ARRB1: variants seen among roughly 807,000 people sequenced by gnomAD.
ARRB1 encodes the protein arrestin beta 1.
ARRB1 carries 21 observed loss-of-function variants against 56.8 expected under a neutral mutation model. That is an observed-to-expected ratio of 0.37 (90% CI 0.26 to 0.53). The LOEUF (loss-of-function observed/expected upper bound fraction) is 0.53, where lower values mean the gene tolerates loss of function less well. Ranked by LOEUF, ARRB1 falls within the 20% of genes least tolerant of loss-of-function variation. The pLI, the probability that ARRB1 is intolerant of heterozygous loss-of-function variation, is 0.88. For synonymous variants in ARRB1, 210 were observed against 218.6 expected (o/e 0.96, Z 0.35); for missense variants, 424 against 553.7 (o/e 0.77, Z 2.35).
At chr11:75,321,289 A>G (rs1392734790) in intron 1 of ARRB1, among the ~76,000 whole-genome samples, 4 of 9,750 alleles carry the variant, frequency 4.1e-4, no homozygotes, top group African/African-American at 1.2e-3. Context: ...CCATCCCCCC[A>G]CCTCTTCCTC....
chr11:75,332,820 G>A (rs549582791), intron 1 of ARRB1, among the ~76,000 whole-genome samples: 10 of 152,032 alleles, frequency 6.6e-5, no homozygotes, highest in Admixed American at 2.0e-4. Flanking sequence ...ACTTGAACCC[G>A]GGAGGCGGAG....
chr11:75,348,594 G>A (rs965092053), intron 1 of ARRB1, among the ~76,000 whole-genome samples: 6 of 151,876 alleles, frequency 4.0e-5, no homozygotes, highest in Admixed American at 6.6e-5. Context: ...TCCTGTCCAG[G>A]TATTTTTTTT....
Position 75,274,198 on chromosome 11 carries a change from G to A in ARRB1, c.790C>T (p.Pro264Ser). ...AMEEADDTVA[P>S]SSTFCKVYTL... ...TAGACCTTGCAGAACGTCGAGCTGG[G>A]TGCCACAGTGTCACTGGGAAGAAAG... The change falls in exon 11 of 16, where the codon CCC becomes TCC. Residue 264 changes from proline to serine, a missense_variant. Transcript: ENST00000420843. 1 of 1,614,118 alleles carries A rather than the reference G, an allele frequency of 6.2e-7. No homozygotes were observed. The highest frequency in any genetic ancestry group is 8.5e-7 in the Non-Finnish European group (1 of 1,179,998).
At chr11:75,281,684 G>A in intron 6 of ARRB1, 1 of 467,956 alleles carries the variant, frequency 2.1e-6, no homozygotes. Flanking sequence ...ATGAGGCCAG[G>A]TGTAGGTCCT....
chr11:75,281,483 C>A (rs1414197388), intron 6 of ARRB1: 3 of 383,284 alleles, frequency 7.8e-6, no homozygotes, highest in Non-Finnish European at 1.4e-5. Context: ...TGTGTGCACA[C>A]CCGGCCCTGG....
intron 1 of ARRB1, among the ~76,000 whole-genome samples, chr11:75,305,024 T>TTC (rs1565129510): frequency 1.5e-5 from 2 of 136,532 alleles, no homozygotes; most frequent in East Asian, 2.0e-4. Flanking sequence ...CTTTCTTTTT[T>TTC]TTTTTTTTTT....
At chr11:75,293,693 C>A (rs1946660410) in intron 1 of ARRB1, among the ~76,000 whole-genome samples, 1 of 152,170 alleles carries the variant, frequency 6.6e-6, no homozygotes, top group South Asian at 2.1e-4. Flanking sequence ...AGGAACAGAA[C>A]CAGCCCCCAC....
chr11:75,319,767 G>A (rs1947317902), intron 1 of ARRB1, among the ~76,000 whole-genome samples: 1 of 152,148 alleles, frequency 6.6e-6, no homozygotes, highest in Admixed American at 6.5e-5. Flanking sequence ...GAGCAGACAG[G>A]GAAAGGGACC....
chr11:75,334,478 G>T (rs1039987595), intron 1 of ARRB1, among the ~76,000 whole-genome samples: 4 of 152,134 alleles, frequency 2.6e-5, no homozygotes, highest in Admixed American at 1.3e-4. Context: ...AGGTTAATTT[G>T]ACAGACAGCA....
intron 1 of ARRB1, among the ~76,000 whole-genome samples, chr11:75,338,586 T>C (rs998167232): frequency 6.6e-6 from 1 of 152,172 alleles, no homozygotes; most frequent in African/African-American, 2.4e-5. Context: ...GGCCAGGTCA[T>C]GGTTCTTTGA....
intron 1 of ARRB1, among the ~76,000 whole-genome samples, chr11:75,335,849 G>A (rs1947594266): frequency 6.6e-6 from 1 of 152,152 alleles, no homozygotes; most frequent in African/African-American, 2.4e-5. Flanking sequence ...ATCCCGTTTG[G>A]CCCACACGAC....
chr11:75,263,435 C>A lies in ARRB1; in HGVS notation c.*2728G>T, dbSNP rs145518846. On this transcript the variant is annotated 3_prime_UTR_variant, in exon 16 of 16. Coordinates refer to ENST00000420843, the MANE Select transcript of ARRB1 (RefSeq NM_004041.5). ...AGGGGCAAGGGGTGCTAAAATCCAA[C>A]CTGTGTGTCACTCCCAAAGCTGTGC... Among the ~76,000 whole-genome samples, 71 of 152,374 alleles carry A rather than the reference C, an allele frequency of 4.7e-4. No individual in the cohort carries two copies. The highest frequency in any genetic ancestry group is 1.6e-3 in the African/African-American group (68 of 41,582).
chr11:75,307,036 A>G lies in ARRB1; in HGVS notation c.21-16997T>C, dbSNP rs183297699. Among the ~76,000 whole-genome samples, 832 of 152,248 alleles carry G rather than the reference A, an allele frequency of 5.5e-3. 9 individuals carry two copies. Among genetic ancestry groups the G allele is most frequent in the Non-Finnish European group, 9.4e-3 (639 of 68,004 alleles). On this transcript the variant is annotated intron_variant, in intron 1 of 15. Coordinates refer to ENST00000420843, the MANE Select transcript of ARRB1 (RefSeq NM_004041.5). ...TGTCACAGCCAGGCACCTCCTGTCC[A>G]TCAGAGGATCCCATACAGACACCTT...
chr11:75,297,320 A>G (rs1388870337), intron 1 of ARRB1, among the ~76,000 whole-genome samples: 1 of 152,184 alleles, frequency 6.6e-6, no homozygotes, highest in East Asian at 1.9e-4. Flanking sequence ...CCCATTTTCA[A>G]AACTTACCAC....
Position 75,266,894 on chromosome 11 carries a change from C to A in ARRB1, c.1146-620G>T, listed in dbSNP as rs141145652. ...TGAATCTAAATAGGGGGGCAGAGGA[C>A]CTGTTCGTGAGGAAAGGGGAGGCTT... On this transcript the variant is annotated intron_variant, in intron 15 of 15. Transcript: ENST00000420843. Among the ~76,000 whole-genome samples the A allele has an allele frequency of 1.8e-4, 27 of 152,138 alleles. 1 individual carries two copies. The highest frequency in any genetic ancestry group is 3.8e-4 in the Non-Finnish European group (26 of 68,024).
intron 1 of ARRB1, among the ~76,000 whole-genome samples, chr11:75,297,594 G>A (rs1946784529): frequency 6.6e-6 from 1 of 152,076 alleles, no homozygotes. Context: ...GCCGGGCGCT[G>A]TGTCTCACAT....
chr11:75,288,413 C>T (rs1258034598), intron 2 of ARRB1, among the ~76,000 whole-genome samples: 2 of 152,078 alleles, frequency 1.3e-5, no homozygotes, highest in Non-Finnish European at 2.9e-5. Flanking sequence ...TAAACCAGAT[C>T]CAGAGCGTCA....
intron 1 of ARRB1, among the ~76,000 whole-genome samples, chr11:75,294,589 ATAAATAAATAAATAAATAACT>A (rs1946683760): frequency 1.1e-5 from 1 of 92,250 alleles, no homozygotes; most frequent in Non-Finnish European, 2.2e-5. Flanking sequence ...AAATAAATAA[ATAAATAAATAAATAAATAACT>A]TAAAATATTT....
intron 1 of ARRB1, among the ~76,000 whole-genome samples, chr11:75,329,584 C>T (rs552014805): frequency 2.0e-4 from 31 of 152,298 alleles, no homozygotes; most frequent in African/African-American, 7.2e-4. Flanking sequence ...ATGACCACTA[C>T]GCGGACCACT....
Sources: allele counts gnomAD v4.1 joint callset (sites outside exome capture counted in the v4.1 genomes callset), GRCh38; gene constraint gnomAD v4.1.1; transcripts MANE v1.5; gene names NCBI Gene and HGNC (gene_info 2026-07-23, HGNC 2026-07-21).